Variants in PIK3C2G observed in about 807,000 individuals in gnomAD.
The protein encoded by PIK3C2G is phosphatidylinositol 3-kinase C2 domain-containing subunit gamma.
In PIK3C2G, 168 loss-of-function variants were observed where a neutral mutation model predicts 181.1. That is an observed-to-expected ratio of 0.93 (90% CI 0.82 to 1.05). PIK3C2G has a LOEUF of 1.05. Ranked by LOEUF, PIK3C2G falls within the 50% of genes least tolerant of loss-of-function variation. The pLI is 0.00. For missense variants in PIK3C2G, 1,869 were observed against 1,732.8 expected, an observed-to-expected ratio of 1.08 and a Z score of -1.40; for synonymous variants, 573 against 592.2, an observed-to-expected ratio of 0.97 and a Z score of 0.47.
intron 24 of PIK3C2G, among the ~76,000 whole-genome samples, chr12:18,518,047 G>A (rs958049328): frequency 4.6e-5 from 7 of 152,104 alleles, no homozygotes; most frequent in Non-Finnish European, 1.0e-4. Flanking sequence ...TTATTGATTT[G>A]CGTATGTTGA....
intron 25 of PIK3C2G, among the ~76,000 whole-genome samples, chr12:18,541,967 A>G (rs1045305718): frequency 6.6e-6 from 1 of 151,858 alleles, no homozygotes; most frequent in Non-Finnish European, 1.5e-5. Context: ...GAGAACTATT[A>G]TAGGTTCATC....
chr12:18,263,294 G>C (rs1190861247), intron 1 of PIK3C2G, among the ~76,000 whole-genome samples: 1 of 151,986 alleles, frequency 6.6e-6, no homozygotes, highest in Non-Finnish European at 1.5e-5. Flanking sequence ...CTACATTGGG[G>C]ACAGAGAAAA....
chr12:18,564,228 C>T (rs1174143724), intron 28 of PIK3C2G, among the ~76,000 whole-genome samples: 4 of 151,650 alleles, frequency 2.6e-5, no homozygotes, highest in Non-Finnish European at 5.9e-5. Context: ...AAAAATTCAT[C>T]ACTTAGAAGC....
At chr12:18,390,314 G>A (rs1943456330) in intron 14 of PIK3C2G, among the ~76,000 whole-genome samples, 2 of 151,954 alleles carry the variant, frequency 1.3e-5, no homozygotes, top group Admixed American at 6.6e-5. Context: ...ACTCAGCAGA[G>A]AAAAATAATG....
At chr12:18,479,943 A>C (rs2136014637) in intron 18 of PIK3C2G, among the ~76,000 whole-genome samples, 1 of 152,282 alleles carries the variant, frequency 6.6e-6, no homozygotes, top group South Asian at 2.1e-4. Context: ...TATCCCACTG[A>C]GAATATGAGT....
In PIK3C2G at chr12:18,314,084, G is replaced by C. The variant is rs374316983; in HGVS notation, c.1137+20G>C. ...CGAAAGGTAAGACTTTCTTAGCATTGGTTTCAATTGGCAAACTGACAGTTT... is the reference window on the plus strand; with the variant it reads ...CGAAAGGTAAGACTTTCTTAGCATTCGTTTCAATTGGCAAACTGACAGTTT... On this transcript the variant is annotated intron_variant, in intron 6 of 32. Transcript: ENST00000538779. 2.1e-5 allele frequency: 27 copies of C among 1,257,074 alleles called. No individual in the cohort carries two copies. The highest frequency in any genetic ancestry group is 2.9e-5 in the Non-Finnish European group (26 of 884,594). 77.9% of individuals were successfully genotyped at this position (1,257,074 alleles called of 1,614,324 possible). A position where few individuals can be genotyped will look rare whatever the true frequency, so the allele number is the denominator to read the frequency against.
chr12:18,607,955 C>T (rs1253736853), intron 30 of PIK3C2G, among the ~76,000 whole-genome samples: 1 of 152,172 alleles, frequency 6.6e-6, no homozygotes, highest in Admixed American at 6.6e-5. Context: ...AAAAAATGCT[C>T]ATCATCACTG....
At chr12:18,473,703 C>T (rs1938683440) in intron 18 of PIK3C2G, among the ~76,000 whole-genome samples, 1 of 152,094 alleles carries the variant, frequency 6.6e-6, no homozygotes, top group African/African-American at 2.4e-5. Context: ...ACAGCGGTGA[C>T]TTGACTTCAA....
At chr12:18,293,782 A>G (rs554963082) in intron 4 of PIK3C2G, 119 bp from the exon 5 acceptor site, 1 of 632,852 alleles carries the variant, frequency 1.6e-6, no homozygotes, top group Middle Eastern at 4.2e-4. Context: ...ATTCCCCTTG[A>G]TGAAGCTAGA....
chr12:18,303,134 C>CTTTCTTTCTTTCTTTCTTTCT (rs1018775688), intron 5 of PIK3C2G, among the ~76,000 whole-genome samples: 3 of 142,688 alleles, frequency 2.1e-5, no homozygotes, highest in South Asian at 2.2e-4. Context: ...TTCTTTCTTT[C>CTTTCTTTCTTTCTTTCTTTCT]TTTCTTTTCT....
At chr12:18,655,998 C>T in the PIK3C2G span, among the ~76,000 whole-genome samples, 8 of 152,124 alleles carry the variant, frequency 5.3e-5, no homozygotes, top group Non-Finnish European at 1.0e-4. Flanking sequence ...TTAAAGTGGA[C>T]TTTAGCTAAT....
intron 6 of PIK3C2G, among the ~76,000 whole-genome samples, chr12:18,314,288 T>A (rs1950766363): frequency 6.6e-6 from 1 of 152,134 alleles, no homozygotes; most frequent in Admixed American, 6.6e-5. Flanking sequence ...ATCTTAGTGT[T>A]ATGGACTGAA....
chr12:18,612,400 C>A lies in PIK3C2G; in HGVS notation c.4182+2771C>A, dbSNP rs539820828. On this transcript the variant is annotated intron_variant, in intron 31 of 32. Coordinates refer to ENST00000538779, the MANE Select transcript of PIK3C2G (RefSeq NM_001288772.2). The stretch of plus-strand genomic sequence containing the variant: ...TTCTACTTTCTTTCCTCCCCTGTGC[C>A]ACTGCTATAACCCAAGGTGTATAGA... Among the ~76,000 whole-genome samples the A allele has an allele frequency of 1.2e-3, 176 of 152,096 alleles. 10 individuals carry two copies. The highest frequency in any genetic ancestry group is 4.3e-4 in the Non-Finnish European group (29 of 68,012).
the PIK3C2G span, among the ~76,000 whole-genome samples, chr12:18,665,796 G>A: frequency 0.017 from 2,655 of 152,076 alleles, 42 homozygotes; most frequent in Middle Eastern, 0.054. Context: ...TTAGCCAGGC[G>A]TAGTGGTGCG....
chr12:18,656,216 C>A, the PIK3C2G span, among the ~76,000 whole-genome samples: 3 of 152,070 alleles, frequency 2.0e-5, no homozygotes, highest in African/African-American at 7.2e-5. Context: ...ATCATTTGAG[C>A]TCAGGAGTTT....
rs1463769290 is a variant in PIK3C2G at position 18,286,854 on chromosome 12, G to A, written c.686G>A (p.Gly229Asp). 9 of 1,523,368 alleles carry A rather than the reference G, an allele frequency of 5.9e-6. No individual in the cohort carries two copies. The highest frequency in any genetic ancestry group is 8.0e-6 in the Non-Finnish European group (9 of 1,122,280). 94.4% of individuals were successfully genotyped at this position (1,523,368 alleles called of 1,614,324 possible). ...AGTAGATTTTATTTTAAGTCAATAG[G>A]TTGTTCCATTCAGCTAGTGGAAGTA... is the stretch of plus-strand genomic sequence containing the variant. ...STWQKNIESI[G>D]CSIQLVEVPQ... The change falls in exon 3 of 33, where the codon GGT becomes GAT. Residue 229 changes from glycine (G) to aspartate (D), a missense_variant. Physicochemically the swap from Gly to Asp is moderately conservative, Grantham distance 94 (BLOSUM62 -1). Coordinates refer to ENST00000538779, the MANE Select transcript of PIK3C2G (RefSeq NM_001288772.2).
chr12:18,277,852 C>T (rs1949049115), intron 1 of PIK3C2G, among the ~76,000 whole-genome samples: 1 of 152,060 alleles, frequency 6.6e-6, no homozygotes, highest in Non-Finnish European at 1.5e-5. Context: ...TCTTTGAAGC[C>T]AGATAAGTAA....
At chr12:18,488,197 A>G (rs546943672) in intron 18 of PIK3C2G, among the ~76,000 whole-genome samples, 2 of 152,118 alleles carry the variant, frequency 1.3e-5, no homozygotes, top group Non-Finnish European at 2.9e-5. Context: ...CTGAAAGGAG[A>G]AAAGATGTGT....
At chr12:18,394,749 T>C (rs189573290) in intron 15 of PIK3C2G, among the ~76,000 whole-genome samples, 2 of 152,012 alleles carry the variant, frequency 1.3e-5, no homozygotes, top group Admixed American at 1.3e-4. Flanking sequence ...TTATCCCCCA[T>C]GTTGAGGTAC....
Sources: allele counts gnomAD v4.1 joint callset (sites outside exome capture counted in the v4.1 genomes callset), GRCh38; gene constraint gnomAD v4.1.1; transcripts MANE v1.5; gene names NCBI Gene and HGNC (gene_info 2026-07-23, HGNC 2026-07-21).